The following UNC13C variants were observed in gnomAD, a reference collection of about 807,000 sequenced individuals.
The protein encoded by UNC13C is unc-13 homolog C.
In UNC13C, 174 loss-of-function variants were observed where a neutral mutation model predicts 245.4. The observed-to-expected ratio is 0.71, with a 90% CI of 0.63 to 0.80. The LOEUF is 0.80. Among genes scored for constraint, UNC13C ranks in the 30% least tolerant of loss-of-function variants. The pLI, the probability that UNC13C is intolerant of heterozygous loss-of-function variation, is 0.00. For missense variants in UNC13C, 2,829 were observed against 2,602.9 expected, an observed-to-expected ratio of 1.09 and a Z score of -1.89; for synonymous variants, 992 against 895.1, an observed-to-expected ratio of 1.11 and a Z score of -1.93.
chr15:54,075,449 CGG>C (rs1898553264), intron 2 of UNC13C, among the ~76,000 whole-genome samples: 1 of 144,132 alleles, frequency 6.9e-6, no homozygotes, highest in Non-Finnish European at 1.5e-5. Flanking sequence ...TGCAGTGAGC[CGG>C]AGCTTGCAGT....
intron 13 of UNC13C, among the ~76,000 whole-genome samples, chr15:54,313,901 G>A (rs935283969): frequency 4.6e-5 from 7 of 151,734 alleles, no homozygotes; most frequent in African/African-American, 1.4e-4. Flanking sequence ...ATGGGTGAAT[G>A]TATTGAGAAA....
At chr15:54,168,869 C>T (rs1287327752) in intron 4 of UNC13C, among the ~76,000 whole-genome samples, 1 of 152,096 alleles carries the variant, frequency 6.6e-6, no homozygotes, top group Non-Finnish European at 1.5e-5. Context: ...TCTTGCAACT[C>T]ATAACAAGTG....
chr15:54,526,069 C>T (rs745839701), intron 25 of UNC13C, among the ~76,000 whole-genome samples: 4 of 152,082 alleles, frequency 2.6e-5, no homozygotes, highest in Admixed American at 6.6e-5. Flanking sequence ...GTGTGGTTGC[C>T]GTCAGTATAG....
intron 2 of UNC13C, among the ~76,000 whole-genome samples, chr15:54,055,551 G>A (rs1013328539): frequency 6.6e-5 from 10 of 152,102 alleles, no homozygotes; most frequent in African/African-American, 2.4e-4. Context: ...TTAGTTTGTA[G>A]CCATGTCTAG....
rs2140906730 is a variant in UNC13C at position 54,274,959 on chromosome 15, C to T, written c.3818+9463C>T. 2.0e-5 allele frequency among the ~76,000 whole-genome samples: 3 copies of T among 152,134 alleles called. 1 individual carries two copies. The Middle Eastern group carries it at 0.01, about 521-fold the overall frequency. On this transcript the variant is annotated intron_variant, in intron 10 of 32. Transcript: ENST00000260323. ...TGCTGGGATTATAGGTGTGAGCCAC[C>T]ACGCGCGGCCTAAGTAGACAAATTT...
the UNC13C span, among the ~76,000 whole-genome samples, chr15:53,905,045 A>T: frequency 0.056 from 8,546 of 152,170 alleles, 844 homozygotes; most frequent in African/African-American, 0.2. Flanking sequence ...GATATGACTT[A>T]TATTTGTGGG....
intron 17 of UNC13C, among the ~76,000 whole-genome samples, chr15:54,341,915 G>T (rs1350326936): frequency 6.6e-6 from 1 of 151,340 alleles, no homozygotes; most frequent in Non-Finnish European, 1.5e-5. Context: ...GGCGGAGCTT[G>T]CAGTGAGCCG....
intron 4 of UNC13C, among the ~76,000 whole-genome samples, chr15:54,230,384 G>A (rs73409997): frequency 0.058 from 8,811 of 151,852 alleles, 436 homozygotes; most frequent in African/African-American, 0.12. Flanking sequence ...TAGTTTTCAC[G>A]TGATATTTTC....
chr15:54,394,771 T>TA (rs2040035997), intron 18 of UNC13C, among the ~76,000 whole-genome samples: 2 of 151,840 alleles, frequency 1.3e-5, no homozygotes, highest in South Asian at 4.1e-4. Flanking sequence ...ATTTGATCAG[T>TA]AAAAATACAT....
intron 14 of UNC13C, among the ~76,000 whole-genome samples, chr15:54,328,042 G>A (rs1330541400): frequency 6.6e-6 from 1 of 152,070 alleles, no homozygotes; most frequent in Non-Finnish European, 1.5e-5. Flanking sequence ...CCTATCTAAA[G>A]TTTAACCAGG....
chr15:54,355,257 T>C (rs1258247688), intron 17 of UNC13C, among the ~76,000 whole-genome samples: 2 of 152,242 alleles, frequency 1.3e-5, no homozygotes, highest in East Asian at 1.9e-4. Flanking sequence ...AATTATCAAG[T>C]ATCAAAGACA....
chr15:54,469,223 A>T (rs1892329358), intron 19 of UNC13C, among the ~76,000 whole-genome samples: 1 of 151,508 alleles, frequency 6.6e-6, no homozygotes, highest in Admixed American at 6.6e-5. Context: ...TTCTAATTCA[A>T]ACAGTTTATT....
At chr15:54,482,750 T>G (rs1040606318) in intron 19 of UNC13C, among the ~76,000 whole-genome samples, 2 of 146,990 alleles carry the variant, frequency 1.4e-5, no homozygotes, top group Non-Finnish European at 3.0e-5. Flanking sequence ...ATTTAAAATG[T>G]TGATATATAT....
chr15:54,550,493 A>T lies in UNC13C; in HGVS notation c.5877+802A>T, dbSNP rs1307643529. Among the ~76,000 whole-genome samples, 4 of 152,130 alleles carry T rather than the reference A, an allele frequency of 2.6e-5. No homozygotes were observed. The East Asian group carries it at 7.7e-4, about 29-fold the overall frequency. On this transcript the variant is annotated intron_variant, in intron 28 of 32. Coordinates refer to ENST00000260323, the MANE Select transcript of UNC13C (RefSeq NM_001080534.3). ...CATTCCTCCCCCAGCTGGTAGCTCA[A>T]AGTTAGGTGCCATTGAGTATTGGAT...
chr15:54,227,465 C>G (rs1400162993), intron 4 of UNC13C, among the ~76,000 whole-genome samples: 1 of 152,206 alleles, frequency 6.6e-6, no homozygotes, highest in African/African-American at 2.4e-5. Context: ...CAAGGGGCAC[C>G]TGCCAGCCCA....
At chr15:54,392,813 G>A (rs1240676166) in intron 17 of UNC13C, among the ~76,000 whole-genome samples, 1 of 151,796 alleles carries the variant, frequency 6.6e-6, no homozygotes, top group East Asian at 1.9e-4. Context: ...CAAAGCAATG[G>A]AAGTTAAACC....
chr15:54,385,987 T>C (rs1278432778), intron 17 of UNC13C, among the ~76,000 whole-genome samples: 1 of 152,192 alleles, frequency 6.6e-6, no homozygotes, highest in Non-Finnish European at 1.5e-5. Flanking sequence ...ACTCAGGAAG[T>C]GCAAAGGCAT....
chr15:54,594,925 G>A (rs936814943), intron 30 of UNC13C, among the ~76,000 whole-genome samples: 5 of 152,212 alleles, frequency 3.3e-5, no homozygotes, highest in Admixed American at 2.0e-4. Flanking sequence ...GCTTGCTCAC[G>A]GCCCAGAGCT....
intron 2 of UNC13C, among the ~76,000 whole-genome samples, chr15:54,074,183 G>A (rs1167856893): frequency 6.6e-6 from 1 of 152,154 alleles, no homozygotes; most frequent in Non-Finnish European, 1.5e-5. Context: ...AGATCCGATG[G>A]TTGTAGTTGT....
Sources: gnomAD v4.1 joint callset for allele counts (sites outside exome capture counted in the v4.1 genomes callset) on GRCh38, gnomAD v4.1.1 for gene constraint, MANE v1.5 for transcripts, NCBI Gene and HGNC (gene_info 2026-07-23, HGNC 2026-07-21) for gene names.